Variants in HERC1 observed in about 807,000 individuals in gnomAD.
HERC1 encodes probable E3 ubiquitin-protein ligase HERC1.
HERC1 carries 160 observed loss-of-function variants against 554.3 expected under a neutral mutation model. The observed-to-expected ratio is 0.29, with a 90% CI of 0.25 to 0.33. HERC1 has a LOEUF of 0.33. HERC1 is among the 10% of genes least tolerant of loss of function. HERC1 has a pLI of 1.00. For synonymous variants in HERC1, 2,175 were observed against 2,131.7 expected, an observed-to-expected ratio of 1.02 and a Z score of -0.56; for missense variants, 4,919 against 5,918.5, an observed-to-expected ratio of 0.83 and a Z score of 5.54.
intron 68 of HERC1, among the ~76,000 whole-genome samples, chr15:63,631,642 C>T (rs1280044050): frequency 3.9e-5 from 6 of 152,186 alleles, no homozygotes; most frequent in South Asian, 4.1e-4. Context: ...CAGGTTCAAG[C>T]AATTCTCCCT....
At position 63,631,921 on chromosome 15, in the gene HERC1, A is replaced by ACT. The variant is rs200527326; in HGVS notation, c.12796+786_12796+787dup. On this transcript the variant is annotated intron_variant, in intron 68 of 77. Coordinates refer to ENST00000443617, the MANE Select transcript of HERC1 (RefSeq NM_003922.4). ...CTATTTTCTTCTTTTCTCATTCTAT[A>ACT]CTCTCTCTCTCTGGGTTTTTTAGAT... Among the ~76,000 whole-genome samples, 1,056 of 151,004 alleles carry ACT rather than the reference A, an allele frequency of 7.0e-3. 13 individuals are homozygous for ACT. The highest frequency in any genetic ancestry group is 0.025 in the African/African-American group (1,015 of 41,086).
chr15:63,801,499 T>C (rs1036144087), intron 1 of HERC1, among the ~76,000 whole-genome samples: 3 of 152,218 alleles, frequency 2.0e-5, no homozygotes, highest in African/African-American at 7.2e-5. Context: ...TCAGAAGTGC[T>C]GTGAGTAAAA....
intron 71 of HERC1, among the ~76,000 whole-genome samples, chr15:63,625,260 A>G (rs1002900795): frequency 6.6e-6 from 1 of 152,358 alleles, no homozygotes; most frequent in South Asian, 2.1e-4. Context: ...CTAATTTGTA[A>G]GAAGAGAAAA....
At chr15:63,719,594 T>C (rs184704007) in intron 19 of HERC1, among the ~76,000 whole-genome samples, 300 of 152,368 alleles carry the variant, frequency 2.0e-3, no homozygotes, top group African/African-American at 6.9e-3. Context: ...AACTGACTTA[T>C]AGGGACAGCA....
chr15:63,653,368 G>A (rs919481063), intron 51 of HERC1, among the ~76,000 whole-genome samples: 5 of 146,060 alleles, frequency 3.4e-5, no homozygotes, highest in Non-Finnish European at 6.1e-5. Flanking sequence ...ACTTGAACCC[G>A]GGAGGCGGGG....
chr15:63,752,299 A>G (rs111597565), intron 8 of HERC1, among the ~76,000 whole-genome samples: 1 of 152,210 alleles, frequency 6.6e-6, no homozygotes. Flanking sequence ...ACATGACAGA[A>G]TAAGTGGCCA....
intron 14 of HERC1, 57 bp downstream of exon 14, chr15:63,732,867 A>G (rs1474031618): frequency 7.8e-6 from 9 of 1,146,964 alleles, no homozygotes; most frequent in Non-Finnish European, 1.0e-5. Context: ...AAATACCTTG[A>G]CTAAAGAGAT....
chr15:63,616,635 A>C lies in HERC1; in HGVS notation c.13736T>G (p.Phe4579Cys). The change falls in exon 75 of 78, where the codon TTT (phenylalanine) becomes TGT (cysteine). Residue 4579 changes from phenylalanine (F) to cysteine (C), a missense_variant. This residue lies in a region of HERC1 where 284 missense variants were observed against 294.1 expected (regional missense o/e 0.97). Coordinates refer to ENST00000443617, the MANE Select transcript of HERC1 (RefSeq NM_003922.4). Reference sequence around the variant, plus strand: ...CCCCATTAAAATTCCTAAAAACTTAAACTGCATTAAGTGTTCATCGAGGCA... The same window carrying C: ...CCCCATTAAAATTCCTAAAAACTTACACTGCATTAAGTGTTCATCGAGGCA... Reference protein sequence around the residue: ...SACLDEHLMQFKFLGILMGVA... With the variant: ...SACLDEHLMQCKFLGILMGVA... 6.2e-7 allele frequency: 1 copy of C among 1,613,936 alleles called. No homozygotes were observed. The highest frequency in any genetic ancestry group is 8.5e-7 in the Non-Finnish European group (1 of 1,179,886).
In HERC1 at chr15:63,674,972, T is replaced by C. The variant is rs1262827131; in HGVS notation, c.7216A>G (p.Met2406Val). The C allele has an allele frequency of 3.1e-6, 5 of 1,613,902 alleles. No individual in the cohort carries two copies. The highest frequency in any genetic ancestry group is 1.7e-5 in the Admixed American group (1 of 60,006). The part of the protein sequence containing the change: ...LTYLTGVHED[M>V]GKQSTKRHEK... ...TGTCGTTTGGTGCTCTGTTTGCCCA[T>C]GTCTTCATGAACGCCAGTGAGATAT... The change falls in exon 38 of 78, where the codon ATG becomes GTG. Residue 2406 changes from methionine (M) to valine (V), a missense_variant. Transcript: ENST00000443617.
chr15:63,783,354 G>A (rs1161346308), intron 1 of HERC1, among the ~76,000 whole-genome samples: 1 of 151,952 alleles, frequency 6.6e-6, no homozygotes, highest in Non-Finnish European at 1.5e-5. Context: ...GACCCTCCAT[G>A]AGCAAAAAGA....
At chr15:63,712,259 A>C (rs954090323) in intron 24 of HERC1, among the ~76,000 whole-genome samples, 1 of 152,200 alleles carries the variant, frequency 6.6e-6, no homozygotes, top group Non-Finnish European at 1.5e-5. Flanking sequence ...CAAAAGAGAA[A>C]GTTTAAAACA....
At chr15:63,833,793 G>A (rs67566652) in intron 1 of HERC1, 34 bp downstream of exon 1, 74,009 of 146,058 alleles carry the variant, frequency 0.51, 19,372 homozygotes, top group Non-Finnish European at 0.56. Context: ...ACACACACAG[G>A]ACCAGGAGGA....
At chr15:63,715,891 C>G (rs2073530114) in intron 22 of HERC1, among the ~76,000 whole-genome samples, 1 of 152,098 alleles carries the variant, frequency 6.6e-6, no homozygotes, top group Non-Finnish European at 1.5e-5. Flanking sequence ...TTTAGAAGTT[C>G]CACACGTGGA....
At chr15:63,657,099 C>T (rs1219867428) in intron 48 of HERC1, among the ~76,000 whole-genome samples, 1 of 152,142 alleles carries the variant, frequency 6.6e-6, no homozygotes, top group Non-Finnish European at 1.5e-5. Context: ...TTAGTTGATA[C>T]TATCGAACAG....
At position 63,758,869 on chromosome 15, in the gene HERC1, A is replaced by G. The variant is rs2075516196; in HGVS notation, c.1027-500T>C. ...AATATTCCATCTAGTAAAAAACATC[A>G]CAATGTACTCAACCACTTCCCCACC... On this transcript the variant is annotated intron_variant, in intron 3 of 77. Transcript: ENST00000443617. The surrounding 1 kb of genome is among the most constrained non-coding windows in gnomAD (Gnocchi z 4.0). 6.6e-6 allele frequency among the ~76,000 whole-genome samples: 1 copy of G among 152,050 alleles called. No individual in the cohort carries two copies. The highest frequency in any genetic ancestry group is 6.6e-5 in the Admixed American group (1 of 15,258).
intron 1 of HERC1, among the ~76,000 whole-genome samples, chr15:63,794,750 C>T (rs2076759553): frequency 6.6e-6 from 1 of 152,054 alleles, no homozygotes; most frequent in Non-Finnish European, 1.5e-5. Flanking sequence ...CCTACTTTCC[C>T]ACTCCCCATA....
At position 63,645,539 on chromosome 15, in the gene HERC1, G is replaced by A. The variant is rs1247020922; in HGVS notation, c.11022C>T (p.Gly3674=). The A allele has an allele frequency of 1.2e-6, 2 of 1,612,966 alleles. No individual in the cohort carries two copies. Among genetic ancestry groups the A allele is most frequent in the South Asian group, 1.1e-5 (1 of 90,828 alleles). The change falls in exon 56 of 78, where the codon GGC becomes GGT. Residue 3674 remains glycine, a synonymous_variant. Transcript: ENST00000443617. The stretch of plus-strand genomic sequence containing the variant: ...TCCCTGGAAGGCGGCACCAAGCAAT[G>A]CCATTTACAATAGATGGATGGCAGA... ...HSLCHPSIVN[G]IAWCRLPGKG...
intron 65 of HERC1, among the ~76,000 whole-genome samples, chr15:63,635,366 G>A (rs1208326546): frequency 6.6e-6 from 1 of 152,126 alleles, no homozygotes; most frequent in Non-Finnish European, 1.5e-5. Context: ...ACATTTATCT[G>A]CCCAAGTTGC....
At chr15:63,710,751 G>C (rs1295086714) in intron 24 of HERC1, among the ~76,000 whole-genome samples, 2 of 152,236 alleles carry the variant, frequency 1.3e-5, no homozygotes, top group Non-Finnish European at 2.9e-5. Flanking sequence ...ATGAAGACTT[G>C]AAGAAAGAGA....
Sources: gnomAD v4.1 joint callset for allele counts (sites outside exome capture counted in the v4.1 genomes callset) on GRCh38, gnomAD v4.1.1 for gene constraint, gnomAD v4.1.1 regional missense constraint, Gnocchi (gnomAD v3.1) non-coding constraint, MANE v1.5 for transcripts, NCBI Gene and HGNC (gene_info 2026-07-23, HGNC 2026-07-21) for gene names.